FAM161B: variants seen among roughly 807,000 people sequenced by gnomAD.
The protein encoded by FAM161B is FAM161 centrosomal protein B.
FAM161B carries 46 observed loss-of-function variants against 61.5 expected under a neutral mutation model. The ratio of observed to expected loss-of-function variants is 0.75; its 90% CI spans 0.59 to 0.96. The LOEUF is 0.96. FAM161B is among the 40% of genes least tolerant of loss of function. The pLI, the probability that FAM161B is intolerant of heterozygous loss-of-function variation, is 0.00. For synonymous variants in FAM161B, 284 were observed against 302.7 expected (o/e 0.94, Z 0.64); for missense variants, 774 against 800.7 (o/e 0.97, Z 0.40).
At chr14:73,939,692 C>T (rs987385880) in intron 5 of FAM161B, among the ~76,000 whole-genome samples, 5 of 152,134 alleles carry the variant, frequency 3.3e-5, no homozygotes. Context: ...AATGAGCCTC[C>T]CTCAGTGCAG....
chr14:73,936,204 C>T, intron 7 of FAM161B, 116 bp from the exon 8 acceptor site: 1 of 1,165,468 alleles, frequency 8.6e-7, no homozygotes, highest in South Asian at 2.2e-5. Flanking sequence ...TATTGTGGGG[C>T]ATAGATTTGC....
At chr14:73,938,146 A>G in intron 5 of FAM161B, 34 bp from the exon 6 acceptor site, 1 of 1,610,328 alleles carries the variant, frequency 6.2e-7, no homozygotes, top group Non-Finnish European at 8.5e-7. Flanking sequence ...AGTATAGATT[A>G]CCAACCTGGG....
chr14:73,923,583 T>C, the FAM161B span: 10 of 1,556,270 alleles, frequency 6.4e-6, no homozygotes, highest in African/African-American at 1.4e-5. Flanking sequence ...ATTGAGAATT[T>C]AGAGGACCTG....
Position 73,941,083 on chromosome 14 carries a change from G to A in FAM161B, c.1273-30C>T, listed in dbSNP as rs748461141. 3.8e-6 allele frequency: 6 copies of A among 1,587,126 alleles called. No individual in the cohort carries two copies. The South Asian group carries it at 5.7e-5, about 15-fold the overall frequency. ...AAGAAACAAAGGTTGGTATTGGTGG[G>A]ACAGCATGTGTGATTAGTTTCTATC... On this transcript the variant is annotated intron_variant, in intron 4 of 8. Coordinates refer to ENST00000286544, the MANE Select transcript of FAM161B (RefSeq NM_152445.3).
At chr14:73,947,785 G>A (rs1458321919) in intron 1 of FAM161B, among the ~76,000 whole-genome samples, 5 of 152,124 alleles carry the variant, frequency 3.3e-5, no homozygotes, top group East Asian at 3.8e-4. Context: ...AGGACACTAC[G>A]GAAAACCACA....
intron 6 of FAM161B, 49 bp from the exon 7 acceptor site, chr14:73,937,750 A>C (rs749075579): frequency 6.3e-7 from 1 of 1,593,898 alleles, no homozygotes; most frequent in Non-Finnish European, 8.6e-7. Context: ...TCTAATCCAG[A>C]ATACCCTTCA....
intron 7 of FAM161B, 66 bp downstream of exon 7, chr14:73,937,536 G>T: frequency 6.8e-7 from 1 of 1,472,966 alleles, no homozygotes; most frequent in Non-Finnish European, 9.3e-7. Context: ...TATTAAAATT[G>T]TTTTGTAATT....
At chr14:73,934,480 CATGATCTCAGCTCACT>C in intron 8 of FAM161B, 86 bp from the exon 9 acceptor site, 2 of 1,334,822 alleles carry the variant, frequency 1.5e-6, no homozygotes, top group Non-Finnish European at 2.0e-6. Flanking sequence ...AGTGCAGTGG[CATGATCTCAGCTCACT>C]GCAGCCTGGA....
chr14:73,944,298 G>A (rs774361856), intron 3 of FAM161B, 37 bp downstream of exon 3: 66 of 1,536,436 alleles, frequency 4.3e-5, no homozygotes, highest in Non-Finnish European at 5.4e-5. Context: ...TTGGTTCCCC[G>A]AGGCAGGAGG....
At chr14:73,926,067 CTTGTT>C in the FAM161B span, among the ~76,000 whole-genome samples, 2 of 152,060 alleles carry the variant, frequency 1.3e-5, no homozygotes, top group Non-Finnish European at 2.9e-5. Flanking sequence ...TTATACTGTT[CTTGTT>C]TTATCTCTTT....
intron 5 of FAM161B, among the ~76,000 whole-genome samples, chr14:73,938,386 G>A (rs564860794): frequency 6.6e-6 from 1 of 152,188 alleles, no homozygotes; most frequent in African/African-American, 2.4e-5. Flanking sequence ...TTGAACCCGG[G>A]AGGCAGAGGT....
chr14:73,922,866 T>C, the FAM161B span: 1 of 152,444 alleles, frequency 6.6e-6, no homozygotes, highest in East Asian at 1.9e-4. Context: ...CATTAAATTA[T>C]ATGGTACAGC....
At chr14:73,943,330 G>A (rs1353535444) in intron 3 of FAM161B, among the ~76,000 whole-genome samples, 1 of 152,120 alleles carries the variant, frequency 6.6e-6, no homozygotes, top group Non-Finnish European at 1.5e-5. Context: ...CAGTCTTGCT[G>A]CCCTCTCAGA....
rs1319060262 is a variant in FAM161B, at chr14:73,934,265, T to C, written c.1935A>G (p.Ser645=). Residue 645 remains serine (S), a synonymous_variant, in exon 9 of 9, where the codon TCA becomes TCG. Transcript: ENST00000286544. ...LSHQSPENLV[S]LA is the part of the protein sequence containing the mutation. ...ATTTTAAGTGTAGTGATTAAGCAAGTGATACGAGATTTTCTGGTGACTGAT... is the reference window on the plus strand; with the variant it reads ...ATTTTAAGTGTAGTGATTAAGCAAGCGATACGAGATTTTCTGGTGACTGAT... 1 of 1,612,090 alleles carries C rather than the reference T, an allele frequency of 6.2e-7. No individual in the cohort carries two copies. Among genetic ancestry groups the C allele is most frequent in the South Asian group, 1.1e-5 (1 of 90,694 alleles).
intron 5 of FAM161B, 123 bp downstream of exon 5, chr14:73,940,803 A>G (rs2056011275): frequency 7.2e-7 from 1 of 1,387,118 alleles, no homozygotes; most frequent in Non-Finnish European, 9.6e-7. Context: ...AGTCCTGATC[A>G]GAAAATTCCC....
At chr14:73,937,835 G>A (rs2055983095) in intron 6 of FAM161B, 113 bp downstream of exon 6, 6 of 1,559,754 alleles carry the variant, frequency 3.8e-6, no homozygotes, top group Non-Finnish European at 5.2e-6. Context: ...ACCCTGCTGT[G>A]ATTACAGGAG....
In FAM161B at chr14:73,935,508, A is replaced by C. The variant is rs555312086; in HGVS notation, c.1805+441T>G. The stretch of plus-strand genomic sequence containing the variant: ...CGCGCCACTGCACTCCAGCCTGGGC[A>C]ACAGAGTGAGACTCTGTCTCAAAAA... On this transcript the variant is annotated intron_variant, in intron 8 of 8. Coordinates refer to ENST00000286544, the MANE Select transcript of FAM161B (RefSeq NM_152445.3). 6.6e-5 allele frequency among the ~76,000 whole-genome samples: 10 copies of C among 151,174 alleles called. No individual in the cohort carries two copies. The East Asian group carries it at 1.8e-3, about 27-fold the overall frequency.
chr14:73,934,933 C>G (rs1372803834), intron 8 of FAM161B, among the ~76,000 whole-genome samples: 1 of 151,716 alleles, frequency 6.6e-6, no homozygotes, highest in African/African-American at 2.4e-5. Context: ...TGTAGTCCCA[C>G]CTACTCAGGA....
intron 5 of FAM161B, among the ~76,000 whole-genome samples, chr14:73,939,332 C>T (rs2055998124): frequency 6.6e-6 from 1 of 152,124 alleles, no homozygotes; most frequent in South Asian, 2.1e-4. Flanking sequence ...CTTAAACAGT[C>T]CAACATTCAA....
Sources: gnomAD v4.1 joint callset for allele counts (sites outside exome capture counted in the v4.1 genomes callset) on GRCh38, gnomAD v4.1.1 for gene constraint, MANE v1.5 for transcripts, NCBI Gene and HGNC (gene_info 2026-07-23, HGNC 2026-07-21) for gene names.